Variants in EEA1 observed in about 807,000 individuals in gnomAD.
EEA1 encodes the protein early endosome antigen 1, 162kD.
A neutral mutation model predicts 209.2 loss-of-function variants in EEA1; 111 were observed. The observed-to-expected ratio is 0.53, with a 90% CI of 0.45 to 0.62. The LOEUF (loss-of-function observed/expected upper bound fraction) is 0.62. Among genes scored for constraint, EEA1 ranks in the 20% least tolerant of loss-of-function variants. The pLI, the probability that EEA1 is intolerant of heterozygous loss-of-function variation, is 0.00. For missense variants in EEA1, 1,343 were observed against 1,530.8 expected (o/e 0.88, Z 2.05); for synonymous variants, 536 against 540.6 (o/e 0.99, Z 0.12).
chr12:92,900,601 A>T (rs1880105119), intron 1 of EEA1, among the ~76,000 whole-genome samples: 1 of 152,062 alleles, frequency 6.6e-6, no homozygotes, highest in Non-Finnish European at 1.5e-5. Context: ...TGGATGTGGC[A>T]AAAAGTAAAT....
At chr12:92,802,165 A>G (rs1206405217) in intron 19 of EEA1, among the ~76,000 whole-genome samples, 2 of 152,054 alleles carry the variant, frequency 1.3e-5, no homozygotes, top group African/African-American at 4.8e-5. Context: ...GAGAAAGACT[A>G]ATATTCAACT....
chr12:92,789,468 C>T lies in EEA1; in HGVS notation c.2968-1419G>A, dbSNP rs1874296701. 2.0e-5 allele frequency among the ~76,000 whole-genome samples: 3 copies of T among 152,148 alleles called. 1 individual carries two copies. The South Asian group carries it at 6.2e-4, about 32-fold the overall frequency. On this transcript the variant is annotated intron_variant, in intron 21 of 28. Coordinates refer to ENST00000322349, the MANE Select transcript of EEA1 (RefSeq NM_003566.4). ...TTATATCCATGTATCTTCCTGATGT[C>T]TCCACTTGAATGACTGACATACCTA...
At chr12:92,910,362 A>C (rs1358292562) in intron 1 of EEA1, among the ~76,000 whole-genome samples, 2 of 150,024 alleles carry the variant, frequency 1.3e-5, no homozygotes, top group Non-Finnish European at 3.0e-5. Context: ...CCAGCTACCC[A>C]GGAAGCTGAG....
intron 21 of EEA1, among the ~76,000 whole-genome samples, chr12:92,791,337 TAA>T (rs1295308924): frequency 1.3e-5 from 2 of 152,100 alleles, no homozygotes; most frequent in Non-Finnish European, 2.9e-5. Flanking sequence ...GCAAATTGGA[TAA>T]AGAGTCAAGA....
At chr12:92,894,824 T>C (rs1381978210) in intron 1 of EEA1, among the ~76,000 whole-genome samples, 2 of 140,330 alleles carry the variant, frequency 1.4e-5, no homozygotes, top group Non-Finnish European at 3.3e-5. Context: ...AAGATATCTA[T>C]ATTAAGTAAC....
At chr12:92,860,642 C>G (rs1252242061) in intron 3 of EEA1, among the ~76,000 whole-genome samples, 1 of 151,938 alleles carries the variant, frequency 6.6e-6, no homozygotes, top group Non-Finnish European at 1.5e-5. Flanking sequence ...TGGGTTTGAC[C>G]TACAGGGGGT....
chr12:92,906,445 G>A (rs555690940), intron 1 of EEA1, among the ~76,000 whole-genome samples: 36 of 152,200 alleles, frequency 2.4e-4, no homozygotes, highest in Admixed American at 2.2e-3. Flanking sequence ...AAGGATACAA[G>A]TATTAGAAAT....
intron 3 of EEA1, among the ~76,000 whole-genome samples, chr12:92,862,677 G>GA (rs930961709): frequency 1.3e-5 from 2 of 151,980 alleles, no homozygotes; most frequent in Middle Eastern, 3.2e-3. Context: ...CTATAAATAT[G>GA]AAAAAACATT....
Position 92,816,308 on chromosome 12 carries a change from T to G in EEA1, c.1821A>C (p.Ala607=). Residue 607 remains alanine, a synonymous_variant, in exon 15 of 29, where the codon GCA becomes GCC. Coordinates refer to ENST00000322349, the MANE Select transcript of EEA1 (RefSeq NM_003566.4). ...NLHDQVQEQK[A]HLRAAQDRVL... ...CACGGTCTTGTGCAGCTCTAAGATGTGCCTTCTGCTCTTGTACCTGGTCAT... is the reference window on the plus strand; with the variant it reads ...CACGGTCTTGTGCAGCTCTAAGATGGGCCTTCTGCTCTTGTACCTGGTCAT... 6.2e-7 allele frequency: 1 copy of G among 1,614,066 alleles called. No individual in the cohort carries two copies. Among genetic ancestry groups the G allele is most frequent in the Non-Finnish European group, 8.5e-7 (1 of 1,179,924 alleles).
At chr12:92,864,805 G>A (rs1030327421) in intron 3 of EEA1, 55 bp downstream of exon 3, 12 of 1,417,294 alleles carry the variant, frequency 8.5e-6, no homozygotes, top group Admixed American at 5.3e-5. Context: ...ATGATTAAAC[G>A]ACGATACCAC....
intron 1 of EEA1, among the ~76,000 whole-genome samples, chr12:92,916,083 A>G (rs1880750899): frequency 6.6e-6 from 1 of 152,192 alleles, no homozygotes; most frequent in South Asian, 2.1e-4. Context: ...TTATTAAGTG[A>G]AATAATAAAA....
chr12:92,828,076 A>G lies in EEA1; in HGVS notation c.1255-15T>C. On this transcript the variant is annotated splice_polypyrimidine_tract_variant and intron_variant, in intron 11 of 28. Coordinates refer to ENST00000322349, the MANE Select transcript of EEA1 (RefSeq NM_003566.4). ...TTGCTATGTAACTTTAAAAAAAGAA[A>G]AAAAAATGTATGTACATATGTACAA... 1 of 1,546,778 alleles carries G rather than the reference A, an allele frequency of 6.5e-7. No individual in the cohort carries two copies. Among genetic ancestry groups the G allele is most frequent in the Non-Finnish European group, 8.7e-7 (1 of 1,155,064 alleles).
chr12:92,795,671 G>A (rs901317654), intron 21 of EEA1, among the ~76,000 whole-genome samples: 3 of 152,278 alleles, frequency 2.0e-5, no homozygotes, highest in Middle Eastern at 3.4e-3. Context: ...ACTGCCTATC[G>A]GGGAGCAGAG....
At chr12:92,850,689 C>CAAAAAAAAAAAAA (rs11323932) in intron 9 of EEA1, among the ~76,000 whole-genome samples, 2 of 46,910 alleles carry the variant, frequency 4.3e-5, no homozygotes, top group Non-Finnish European at 3.7e-5. Context: ...GACTTTGTCT[C>CAAAAAAAAAAAAA]AAAAAAAAAA....
chr12:92,857,019 G>A (rs1422657226), intron 5 of EEA1, among the ~76,000 whole-genome samples: 2 of 151,812 alleles, frequency 1.3e-5, no homozygotes, highest in Non-Finnish European at 2.9e-5. Context: ...CAACTCTCTC[G>A]CCTCAGCCTC....
chr12:92,916,315 A>G lies in EEA1; in HGVS notation c.24+12728T>C, dbSNP rs541891037. ...AGGTACTGACAATAAAATTTCTTGA[A>G]CAGAGATCTGTGGATCATGCTCAAA... On this transcript the variant is annotated intron_variant, in intron 1 of 28. Coordinates refer to ENST00000322349, the MANE Select transcript of EEA1 (RefSeq NM_003566.4). 2.0e-5 allele frequency among the ~76,000 whole-genome samples: 3 copies of G among 152,192 alleles called. No homozygotes were observed. The South Asian group carries it at 6.2e-4, about 32-fold the overall frequency.
At position 92,798,964 on chromosome 12, in the gene EEA1, C is replaced by T. The variant is rs529590922; in HGVS notation, c.2895G>A (p.Lys965=). The T allele has an allele frequency of 1.9e-6, 3 of 1,612,898 alleles. No homozygotes were observed. Among genetic ancestry groups the T allele is most frequent in the African/African-American group, 1.3e-5 (1 of 74,948 alleles). Residue 965 remains lysine (K), a synonymous_variant, in exon 21 of 29, where the codon AAG becomes AAA. Coordinates refer to ENST00000322349, the MANE Select transcript of EEA1 (RefSeq NM_003566.4). ...GTTTTTTCTTCTGTTCACTTGATTG[C>T]TTTAGCTCATTTATGTTCCCCTGAA... ...QQLQGNINEL[K]QSSEQKKKQI... is the part of the protein sequence containing the mutation.
intron 9 of EEA1, among the ~76,000 whole-genome samples, chr12:92,848,435 C>T (rs1050507180): frequency 3.3e-5 from 5 of 151,948 alleles, no homozygotes; most frequent in African/African-American, 1.2e-4. Flanking sequence ...CCAGCCTAAG[C>T]AACATAGCAA....
intron 20 of EEA1, 54 bp from the exon 21 acceptor site, chr12:92,799,140 G>A (rs571377445): frequency 6.5e-5 from 92 of 1,412,340 alleles, no homozygotes; most frequent in Non-Finnish European, 8.1e-5. Context: ...AAAAGACGAT[G>A]TACTGAGTAA....
Sources: allele counts gnomAD v4.1 joint callset (sites outside exome capture counted in the v4.1 genomes callset), GRCh38; gene constraint gnomAD v4.1.1; transcripts MANE v1.5; gene names NCBI Gene and HGNC (gene_info 2026-07-23, HGNC 2026-07-21).